The following PEX10 variants were observed in gnomAD, a reference collection of about 807,000 sequenced individuals.
PEX10 encodes the protein peroxisomal biogenesis factor 10.
In PEX10, 32 loss-of-function variants were observed where a neutral mutation model predicts 38.0. The ratio of observed to expected loss-of-function variants is 0.84; its 90% CI spans 0.63 to 1.13. PEX10 has a LOEUF of 1.13. Among genes scored for constraint, PEX10 ranks in the 50% most tolerant of loss-of-function variants. The pLI, the probability that PEX10 is intolerant of heterozygous loss-of-function variation, is 0.00. For missense variants in PEX10, 483 were observed against 457.7 expected, an observed-to-expected ratio of 1.06 and a Z score of -0.51; for synonymous variants, 206 against 207.3, an observed-to-expected ratio of 0.99 and a Z score of 0.05.
intron 1 of PEX10, among the ~76,000 whole-genome samples, chr1:2,411,678 A>C (rs1643226491): frequency 6.6e-6 from 1 of 151,836 alleles, no homozygotes; most frequent in African/African-American, 2.4e-5. Context: ...AGCTGGGATT[A>C]CAGACGCCGC....
rs1643113404 is a variant in PEX10, at chr1:2,409,393, C to T, written c.194-535G>A. ...GCGCCCCCACCCAGAAAAGCCTGCT[C>T]CCCGTTTCCATCTCTGTGGATGGCA... is the stretch of plus-strand genomic sequence containing the variant. On this transcript the variant is annotated intron_variant, in intron 2 of 5. Transcript: ENST00000447513. This position sits in a 1 kb window ranked among gnomAD's most constrained non-coding sequence, Gnocchi z 6.2. 6.6e-6 allele frequency among the ~76,000 whole-genome samples: 1 copy of T among 152,160 alleles called. No homozygotes were observed. The highest frequency in any genetic ancestry group is 6.5e-5 in the Admixed American group (1 of 15,286).
In PEX10 at chr1:2,408,629, C is replaced by T. The variant is rs138171306; in HGVS notation, c.423G>A (p.Ala141=). 267 of 1,610,470 alleles carry T rather than the reference C, an allele frequency of 1.7e-4. No individual in the cohort carries two copies. The East Asian group carries it at 1.8e-3, about 11-fold the overall frequency. The change falls in exon 3 of 6, where the codon GCG becomes GCA. Residue 141 remains alanine (A), a synonymous_variant. Transcript: ENST00000447513. The part of the protein sequence containing the change: ...LGPGGRGCSG[A]RRWMRHHTAT... ...CCGTGTGGTGACGCATCCAGCGCCG[C>T]GCCCCTGAGCAGCCACGCCCACCTG...
At position 2,406,742 on chromosome 1, in the gene PEX10, G is replaced by A; in HGVS notation, c.754C>T (p.His252Tyr). 6.2e-7 allele frequency: 1 copy of A among 1,608,834 alleles called. No individual in the cohort carries two copies. Among genetic ancestry groups the A allele is most frequent in the Non-Finnish European group, 8.5e-7 (1 of 1,178,312 alleles). Residue 252 changes from histidine (H) to tyrosine (Y), a missense_variant, in exon 4 of 6, where the codon CAC becomes TAC. By Grantham distance (83) the His-to-Tyr change is moderately conservative (BLOSUM62 2). Coordinates refer to ENST00000447513, the MANE Select transcript of PEX10 (RefSeq NM_002617.4). ...RQRARKEWRL[H>Y]RGLSHRRASL... ...CACCTGCGGTGAGACAGGCCGCGGT[G>A]CAGCCTCCACTCCTTCCTGGCTCGC...
rs1643157973 is a variant in PEX10 at position 2,410,618 on chromosome 1, A to G, written c.113-167T>C. The G allele has an allele frequency of 7.4e-6, 5 of 675,792 alleles. No individual in the cohort carries two copies. Among genetic ancestry groups the G allele is most frequent in the African/African-American group, 1.8e-5 (1 of 56,488 alleles). 41.9% of individuals were successfully genotyped at this position (675,792 alleles called of 1,614,324 possible). ...CTCTGCTTCTGTCTCCGGAGGCACCACCTTGACTTGCCTTAGCGTGAGCTG... is the reference window on the plus strand; with the variant it reads ...CTCTGCTTCTGTCTCCGGAGGCACCGCCTTGACTTGCCTTAGCGTGAGCTG... On this transcript the variant is annotated intron_variant, in intron 1 of 5. Transcript: ENST00000447513. This position sits in a 1 kb window ranked among gnomAD's most constrained non-coding sequence, Gnocchi z 5.1.
Position 2,408,564 on chromosome 1 carries a change from G to T in PEX10, c.488C>A (p.Ala163Glu). 3 of 1,612,158 alleles carry T rather than the reference G, an allele frequency of 1.9e-6. No homozygotes were observed. Among genetic ancestry groups the T allele is most frequent in the Non-Finnish European group, 1.7e-6 (2 of 1,179,968 alleles). Residue 163 changes from alanine to glutamate, a missense_variant, in exon 3 of 6, where the codon GCG (alanine) becomes GAG (glutamate). By Grantham distance (107) the Ala-to-Glu change is moderately radical. Transcript: ENST00000447513. ...TEQQRRALLR[A>E]VFVLRQGLAC... The stretch of plus-strand genomic sequence containing the variant: ...GAGGCCCTGTCTGAGGACGAAGACC[G>T]CCCGCAGCAGCGCCCTCCTCTGCTG...
chr1:2,411,317 CCTCCGCCTCCCGGGTTCAAGTGATTCTGT>C (rs1643202004), intron 1 of PEX10, among the ~76,000 whole-genome samples: 1 of 148,964 alleles, frequency 6.7e-6, no homozygotes, highest in Admixed American at 6.8e-5. Flanking sequence ...CTTACTGCAA[CCTCCGCCTCCCGGGTTCAAGTGATTCTGT>C]CTCAGCCTCC....
chr1:2,405,735 C>A lies in PEX10; in HGVS notation c.*31G>T. ...TTGGCGTTCAGACTCCCGTAGAGGT[C>A]ATCTGTGTCCAGGCCCACCCGGGCG... is the stretch of plus-strand genomic sequence containing the variant. On this transcript the variant is annotated 3_prime_UTR_variant, in exon 6 of 6. Coordinates refer to ENST00000447513, the MANE Select transcript of PEX10 (RefSeq NM_002617.4). 1 of 1,571,454 alleles carries A rather than the reference C, an allele frequency of 6.4e-7. No homozygotes were observed. The highest frequency in any genetic ancestry group is 2.3e-5 in the East Asian group (1 of 42,784).
In PEX10 at chr1:2,405,816, G is replaced by C. The variant is rs765965290; in HGVS notation, c.931C>G (p.Arg311Gly). The C allele has an allele frequency of 6.3e-7, 1 of 1,599,402 alleles. No homozygotes were observed. Among genetic ancestry groups the C allele is most frequent in the Non-Finnish European group, 8.5e-7 (1 of 1,173,514 alleles). The change falls in exon 6 of 6, where the codon CGG (arginine) becomes GGG (glycine). Residue 311 changes from arginine to glycine, a missense_variant. By Grantham distance (125) the Arg-to-Gly change is moderately radical (BLOSUM62 -2). Coordinates refer to ENST00000447513, the MANE Select transcript of PEX10 (RefSeq NM_002617.4). ...AGCTTCTGGGGAGGGAACTTCTCCC[G>C]GCAGAGGGGACACTCCGCCTGCGGA... ...CSSKAECPLC[R>G]EKFPPQKLIY...
Position 2,406,725 on chromosome 1 carries a change from G to C in PEX10, c.771C>G (p.His257Gln). Residue 257 changes from histidine (H) to glutamine (Q), a missense_variant, in exon 4 of 6, where the codon CAC becomes CAG. Physicochemically the swap from His to Gln is conservative, Grantham distance 24. Coordinates refer to ENST00000447513, the MANE Select transcript of PEX10 (RefSeq NM_002617.4). ...TGTGTGGCCCCCGCACGCACCTGCGGTGAGACAGGCCGCGGTGCAGCCTCC... is the reference window on the plus strand; with the variant it reads ...TGTGTGGCCCCCGCACGCACCTGCGCTGAGACAGGCCGCGGTGCAGCCTCC... ...KEWRLHRGLS[H>Q]RRASLEERAV... 1 of 1,609,108 alleles carries C rather than the reference G, an allele frequency of 6.2e-7. No individual in the cohort carries two copies. Among genetic ancestry groups the C allele is most frequent in the Non-Finnish European group, 8.5e-7 (1 of 1,178,404 alleles).
At chr1:2,411,569 T>C (rs939485797) in intron 1 of PEX10, among the ~76,000 whole-genome samples, 1 of 151,634 alleles carries the variant, frequency 6.6e-6, no homozygotes, top group Admixed American at 6.6e-5. Flanking sequence ...TGATGGGGTC[T>C]GGCCCCGTCG....
rs2100441191 is a variant in PEX10, at chr1:2,412,412, C to T, written c.91G>A (p.Gly31Ser). The change falls in exon 1 of 6, where the codon GGC becomes AGC. Residue 31 changes from glycine (G) to serine (S), a missense_variant. By Grantham distance (56) the Gly-to-Ser change is moderately conservative. Transcript: ENST00000447513. Reference protein sequence around the residue: ...YRGGLRSAAGGALHSLAGARK... With the variant: ...YRGGLRSAAGSALHSLAGARK... Reference sequence around the variant, plus strand: ...TCACCCGCCAGGCTGTGCAGGGCGCCGCCCGCCGCGCTCCGCAGCCCACCG... The same window carrying T: ...TCACCCGCCAGGCTGTGCAGGGCGCTGCCCGCCGCGCTCCGCAGCCCACCG... The T allele has an allele frequency of 2.1e-6, 3 of 1,406,636 alleles. No homozygotes were observed. The highest frequency in any genetic ancestry group is 1.5e-5 in the African/African-American group (1 of 66,398). 87.1% of individuals were successfully genotyped at this position (1,406,636 alleles called of 1,614,324 possible).
At position 2,404,666 on chromosome 1, in the gene PEX10, C is replaced by T. The variant is rs1056382049; in HGVS notation, c.*1100G>A. On this transcript the variant is annotated 3_prime_UTR_variant, in exon 6 of 6. Coordinates refer to ENST00000447513, the MANE Select transcript of PEX10 (RefSeq NM_002617.4). ...CCTCATTCCTAAGTAAGTCAAACAG[C>T]AAGACATGGTTTGCGCGGGTCTTTG... 4.6e-5 allele frequency: 7 copies of T among 152,266 alleles called. No individual in the cohort carries two copies. The highest frequency in any genetic ancestry group is 1.7e-4 in the African/African-American group (7 of 41,472). 9.4% of individuals were successfully genotyped at this position (152,266 alleles called of 1,614,324 possible).
chr1:2,407,608 G>A (rs1057458263), intron 3 of PEX10, among the ~76,000 whole-genome samples: 1 of 152,182 alleles, frequency 6.6e-6, no homozygotes, highest in African/African-American at 2.4e-5. Flanking sequence ...TCACCAACAT[G>A]GACGGGGCAA....
In PEX10 at chr1:2,410,405, T is replaced by G; in HGVS notation, c.159A>C (p.Ser53=). ...LEWRKEVELL[S]DVAYFGLTTL... ...TGGTGAGGCCAAAGTAGGCCACATCTGAGAGCAGCTCAACCTCCTTCCTCC... is the reference window on the plus strand; with the variant it reads ...TGGTGAGGCCAAAGTAGGCCACATCGGAGAGCAGCTCAACCTCCTTCCTCC... The change falls in exon 2 of 6, where the codon TCA becomes TCC. Residue 53 remains serine (S), a synonymous_variant. Coordinates refer to ENST00000447513, the MANE Select transcript of PEX10 (RefSeq NM_002617.4). This position sits in a 1 kb window ranked among gnomAD's most constrained non-coding sequence, Gnocchi z 5.1. 6.2e-7 allele frequency: 1 copy of G among 1,614,148 alleles called. No individual in the cohort carries two copies. The highest frequency in any genetic ancestry group is 2.2e-5 in the East Asian group (1 of 44,880).
Position 2,404,153 on chromosome 1 carries a change from C to CG in PEX10, c.*1612dup, listed in dbSNP as rs150521482. 0.02 allele frequency: 3,104 copies of CG among 152,330 alleles called. 81 individuals are homozygous for CG. The highest frequency in any genetic ancestry group is 0.026 in the Non-Finnish European group (1,783 of 68,054). The allele number at this position is 152,330 out of a possible 1,614,324, so 9.4% of individuals were successfully genotyped here. On this transcript the variant is annotated 3_prime_UTR_variant, in exon 6 of 6. Transcript: ENST00000447513. The stretch of plus-strand genomic sequence containing the variant: ...AGTGAAGGCCTCTCCTCCTGGGCCC[C>CG]GGGCTGCGCAGGCTCCTCACTCTGG...
intron 1 of PEX10, among the ~76,000 whole-genome samples, chr1:2,411,379 C>T (rs896588391): frequency 6.6e-6 from 1 of 151,888 alleles, no homozygotes; most frequent in African/African-American, 2.4e-5. Context: ...ATTACACGCA[C>T]GCGCCACCAC....
rs1643178888 is a variant in PEX10 at position 2,410,981 on chromosome 1, T to A, written c.113-530A>T. The A allele has an allele frequency of 2.4e-6, 1 of 418,168 alleles. No homozygotes were observed. The highest frequency in any genetic ancestry group is 1.7e-5 in the South Asian group (1 of 58,658). The allele number at this position is 418,168 out of a possible 1,614,324, so 25.9% of individuals were successfully genotyped here. ...AACAAGTAAGTACACACACAAAAAA[T>A]TCTCATCATGTCACTCTCCTGTTCA... On this transcript the variant is annotated intron_variant, in intron 1 of 5. Transcript: ENST00000447513. This position sits in a 1 kb window ranked among gnomAD's most constrained non-coding sequence, Gnocchi z 5.1.
chr1:2,412,414 C>G lies in PEX10; in HGVS notation c.89G>C (p.Gly30Ala). The G allele has an allele frequency of 4.3e-6, 6 of 1,411,186 alleles. No individual in the cohort carries two copies. The highest frequency in any genetic ancestry group is 4.6e-6 in the Non-Finnish European group (5 of 1,086,822). The allele number at this position is 1,411,186 out of a possible 1,614,324, so 87.4% of individuals were successfully genotyped here. A position where few individuals can be genotyped will look rare whatever the true frequency, so the allele number is the denominator to read the frequency against. Residue 30 changes from glycine to alanine, a missense_variant, in exon 1 of 6, where the codon GGC becomes GCC. Physicochemically the swap from Gly to Ala is moderately conservative, Grantham distance 60. Transcript: ENST00000447513. Reference protein sequence around the residue: ...YYRGGLRSAAGGALHSLAGAR... With the variant: ...YYRGGLRSAAAGALHSLAGAR... ...ACCCGCCAGGCTGTGCAGGGCGCCG[C>G]CCGCCGCGCTCCGCAGCCCACCGCG...
Position 2,405,620 on chromosome 1 carries a change from T to C in PEX10, c.*146A>G. ...CAGCCAGGGACAGCTTTCTGTTCTC[T>C]CCCAGGGTGGCTAGGTTAGTATCTT... On this transcript the variant is annotated 3_prime_UTR_variant, in exon 6 of 6. Coordinates refer to ENST00000447513, the MANE Select transcript of PEX10 (RefSeq NM_002617.4). The C allele has an allele frequency of 3.8e-6, 3 of 790,796 alleles. No individual in the cohort carries two copies. In the South Asian group the frequency reaches 4.4e-5, roughly 12 times the overall value. 49.0% of individuals were successfully genotyped at this position (790,796 alleles called of 1,614,324 possible). A position where few individuals can be genotyped will look rare whatever the true frequency, so the allele number is the denominator to read the frequency against.
Sources: gnomAD v4.1 joint callset for allele counts (sites outside exome capture counted in the v4.1 genomes callset) on GRCh38, gnomAD v4.1.1 for gene constraint, Gnocchi (gnomAD v3.1) non-coding constraint, MANE v1.5 for transcripts, NCBI Gene and HGNC (gene_info 2026-07-23, HGNC 2026-07-21) for gene names.